Variants in BRSK2 observed in about 807,000 individuals in gnomAD.
The protein encoded by BRSK2 is BR serine/threonine kinase 2.
A neutral mutation model predicts 83.3 loss-of-function variants in BRSK2; 19 were observed. The observed-to-expected ratio is 0.23, with a 90% CI of 0.16 to 0.33. The LOEUF (loss-of-function observed/expected upper bound fraction) is 0.33. Ranked by LOEUF, BRSK2 falls within the 10% of genes least tolerant of loss-of-function variation. BRSK2 has a pLI of 1.00. For synonymous variants in BRSK2, 519 were observed against 435.4 expected (o/e 1.19, Z -2.39); for missense variants, 798 against 1,042.3 (o/e 0.77, Z 3.23).
intron 1 of BRSK2, among the ~76,000 whole-genome samples, chr11:1,426,656 C>T (rs1849266313): frequency 6.6e-6 from 1 of 152,144 alleles, no homozygotes; most frequent in Non-Finnish European, 1.5e-5. Context: ...CGTGTCTTTT[C>T]TGTGTGACTC....
intron 1 of BRSK2, among the ~76,000 whole-genome samples, chr11:1,433,920 C>T (rs574841200): frequency 6.6e-6 from 1 of 152,262 alleles, no homozygotes; most frequent in East Asian, 1.9e-4. Flanking sequence ...CGGCAAGGTC[C>T]TGGGTCCCCC....
At chr11:1,428,250 G>C (rs1051085874) in intron 1 of BRSK2, among the ~76,000 whole-genome samples, 3 of 152,142 alleles carry the variant, frequency 2.0e-5, no homozygotes, top group East Asian at 1.9e-4. Flanking sequence ...TGGCTCCTCT[G>C]TGACTCTGTT....
intron 6 of BRSK2, 32 bp from the exon 7 acceptor site, chr11:1,443,303 C>T (rs767409746): frequency 2.7e-5 from 43 of 1,587,032 alleles, no homozygotes; most frequent in South Asian, 1.4e-4. Flanking sequence ...CTGCCCTGCG[C>T]CCCCCAACAG....
At chr11:1,399,227 A>C (rs371864895) in intron 1 of BRSK2, among the ~76,000 whole-genome samples, 22 of 152,138 alleles carry the variant, frequency 1.4e-4, no homozygotes, top group African/African-American at 5.3e-4. Context: ...ACTTGGTTCC[A>C]GACGCTGGCT....
intron 1 of BRSK2, among the ~76,000 whole-genome samples, chr11:1,419,150 G>GT (rs1179496827): frequency 6.8e-6 from 1 of 147,604 alleles, no homozygotes; most frequent in African/African-American, 2.5e-5. Flanking sequence ...ACTGGTGGCG[G>GT]GGGGGGCCTT....
At position 1,417,977 on chromosome 11, in the gene BRSK2, T is replaced by A. The variant is rs543113835; in HGVS notation, c.92-18063T>A. On this transcript the variant is annotated intron_variant, in intron 1 of 19. Transcript: ENST00000528841. ...TCTCCTGTGTCCTGCTTCTGTTGGCTGTTTCTTCTCTTGAGAGTGGGTCAC... is the reference window on the plus strand; with the variant it reads ...TCTCCTGTGTCCTGCTTCTGTTGGCAGTTTCTTCTCTTGAGAGTGGGTCAC... 2.8e-4 allele frequency among the ~76,000 whole-genome samples: 42 copies of A among 149,704 alleles called. 1 individual carries two copies. The highest frequency in any genetic ancestry group is 2.1e-3 in the South Asian group (10 of 4,692).
At chr11:1,460,464 T>TTTC in intron 19 of BRSK2, 36 bp from the exon 20 acceptor site, 1 of 325,336 alleles carries the variant, frequency 3.1e-6, no homozygotes, top group South Asian at 7.4e-5. Context: ...TTTTTTCCTT[T>TTTC]TTTTTTTTTT....
intron 1 of BRSK2, among the ~76,000 whole-genome samples, chr11:1,407,251 C>T (rs1439656046): frequency 6.6e-6 from 1 of 152,136 alleles, no homozygotes; most frequent in African/African-American, 2.4e-5. Flanking sequence ...TGTGGGTCAC[C>T]GGCTCTGACT....
intron 1 of BRSK2, among the ~76,000 whole-genome samples, chr11:1,416,127 G>C (rs1415604335): frequency 6.6e-6 from 1 of 152,248 alleles, no homozygotes; most frequent in Non-Finnish European, 1.5e-5. Context: ...GGGAGGGGGA[G>C]GGATGTGTTT....
chr11:1,395,951 G>A (rs922122555), intron 1 of BRSK2, among the ~76,000 whole-genome samples: 3 of 152,196 alleles, frequency 2.0e-5, no homozygotes, highest in Admixed American at 6.5e-5. Flanking sequence ...TGTGAGGTTG[G>A]CCTCTAGGCT....
chr11:1,413,352 G>A (rs1847759329), intron 1 of BRSK2, among the ~76,000 whole-genome samples: 1 of 152,152 alleles, frequency 6.6e-6, no homozygotes, highest in Non-Finnish European at 1.5e-5. Flanking sequence ...GGGCCACGGG[G>A]AGACTCACAG....
chr11:1,456,971 G>A (rs1331702403), intron 18 of BRSK2: 9 of 1,597,298 alleles, frequency 5.6e-6, no homozygotes, highest in South Asian at 4.4e-5. Flanking sequence ...CCCCACCAGC[G>A]CCAGGACTAA....
chr11:1,402,954 A>C (rs1423046026), intron 1 of BRSK2, among the ~76,000 whole-genome samples: 1 of 152,054 alleles, frequency 6.6e-6, no homozygotes, highest in Non-Finnish European at 1.5e-5. Flanking sequence ...CTCATCGTAA[A>C]GTGCACAGAT....
At chr11:1,393,482 G>C (rs1251894303) in intron 1 of BRSK2, among the ~76,000 whole-genome samples, 1 of 152,162 alleles carries the variant, frequency 6.6e-6, no homozygotes, top group Non-Finnish European at 1.5e-5. Flanking sequence ...GGCCGCGATA[G>C]GGCTCCCTGC....
chr11:1,401,234 C>T (rs1386785843), intron 1 of BRSK2, among the ~76,000 whole-genome samples: 1 of 152,250 alleles, frequency 6.6e-6, no homozygotes, highest in East Asian at 1.9e-4. Context: ...TCAGCACATG[C>T]CCCCGGCATC....
At chr11:1,410,660 T>A (rs1421951384) in intron 1 of BRSK2, 1 of 985,376 alleles carries the variant, frequency 1.0e-6, no homozygotes, top group Non-Finnish European at 1.2e-6. Context: ...GGCACACCTG[T>A]GGCCCTGAGT....
chr11:1,439,935 C>T (rs1850966767), intron 3 of BRSK2, among the ~76,000 whole-genome samples: 1 of 150,790 alleles, frequency 6.6e-6, no homozygotes, highest in African/African-American at 2.5e-5. Flanking sequence ...CCTCTGCTCC[C>T]ATCCCCACAC....
chr11:1,461,864 C>G lies in BRSK2; in HGVS notation c.*1141C>G, dbSNP rs1038602031. On this transcript the variant is annotated 3_prime_UTR_variant, in exon 20 of 20. Coordinates refer to ENST00000528841, the MANE Select transcript of BRSK2 (RefSeq NM_001256627.2). ...TCTACACACACATCTAAAGACGGTG[C>G]GGCTCGCTCTGTCATGGGTTCCGTC... 1 of 146,622 alleles carries G rather than the reference C, an allele frequency of 6.8e-6. No individual in the cohort carries two copies. Among genetic ancestry groups the G allele is most frequent in the African/African-American group, 2.6e-5 (1 of 38,900 alleles). 9.1% of individuals were successfully genotyped at this position (146,622 alleles called of 1,614,324 possible).
At chr11:1,400,601 C>A (rs908154644) in intron 1 of BRSK2, among the ~76,000 whole-genome samples, 3 of 152,204 alleles carry the variant, frequency 2.0e-5, no homozygotes, top group African/African-American at 7.2e-5. Flanking sequence ...GCCCTGCCCG[C>A]CTGGGGACAC....
Sources: allele counts gnomAD v4.1 joint callset (sites outside exome capture counted in the v4.1 genomes callset), GRCh38; gene constraint gnomAD v4.1.1; transcripts MANE v1.5; gene names NCBI Gene and HGNC (gene_info 2026-07-23, HGNC 2026-07-21).